Variants in PDE4B observed in about 807,000 individuals in gnomAD.
The protein encoded by PDE4B is 3',5'-cyclic-AMP phosphodiesterase 4B.
PDE4B carries 20 observed loss-of-function variants against 82.2 expected under a neutral mutation model. The observed-to-expected ratio is 0.24, with a 90% CI of 0.17 to 0.35. PDE4B has a LOEUF of 0.35. PDE4B is among the 10% of genes least tolerant of loss of function. The pLI is 1.00. For synonymous variants in PDE4B, 320 were observed against 318.9 expected (o/e 1.00, Z -0.04); for missense variants, 655 against 907.2 (o/e 0.72, Z 3.57).
At chr1:66,134,858 C>T (rs1047197879) in intron 3 of PDE4B, among the ~76,000 whole-genome samples, 1 of 151,948 alleles carries the variant, frequency 6.6e-6, no homozygotes, top group African/African-American at 2.4e-5. Flanking sequence ...AATGTAGTCA[C>T]TTCTGTCAAG....
chr1:66,190,371 G>A (rs35570971), intron 3 of PDE4B, among the ~76,000 whole-genome samples: 73,687 of 152,030 alleles, frequency 0.48, 18,914 homozygotes, highest in South Asian at 0.63. Context: ...TGTCAGACAG[G>A]GACATTGAAG....
intron 3 of PDE4B, among the ~76,000 whole-genome samples, chr1:66,089,057 A>G (rs1644958240): frequency 6.6e-6 from 1 of 152,090 alleles, no homozygotes; most frequent in African/African-American, 2.4e-5. Context: ...TTGTTATGAA[A>G]GCATAAGCTA....
At chr1:66,136,045 G>A (rs965024906) in intron 3 of PDE4B, among the ~76,000 whole-genome samples, 13 of 152,162 alleles carry the variant, frequency 8.5e-5, no homozygotes, top group African/African-American at 2.7e-4. Context: ...GCTCATTGAA[G>A]AATTGCCTAC....
chr1:66,244,495 G>A (rs1653145454), intron 3 of PDE4B, among the ~76,000 whole-genome samples: 1 of 152,058 alleles, frequency 6.6e-6, no homozygotes, highest in East Asian at 1.9e-4. Flanking sequence ...AGTTTGTGTG[G>A]TATATTCATT....
intron 3 of PDE4B, among the ~76,000 whole-genome samples, chr1:66,083,811 T>C (rs1656865493): frequency 6.6e-6 from 1 of 152,170 alleles, no homozygotes; most frequent in Non-Finnish European, 1.5e-5. Flanking sequence ...ATTGTTAAAC[T>C]CCTGAAATGC....
At chr1:66,320,917 A>G (rs1293712518) in intron 7 of PDE4B, among the ~76,000 whole-genome samples, 1 of 152,214 alleles carries the variant, frequency 6.6e-6, no homozygotes, top group Admixed American at 6.5e-5. Flanking sequence ...AGCCAGGTGA[A>G]CAAAGTTGGG....
chr1:65,828,300 C>T (rs565935982), intron 1 of PDE4B, among the ~76,000 whole-genome samples: 1 of 152,200 alleles, frequency 6.6e-6, no homozygotes, highest in Admixed American at 6.5e-5. Context: ...GGTTGGAGTG[C>T]AGTGGCGTGA....
rs913783501 is a variant in PDE4B, at chr1:66,308,883, T to C, written c.635-23625T>C. Among the ~76,000 whole-genome samples the C allele has an allele frequency of 2.0e-5, 3 of 152,212 alleles. No individual in the cohort carries two copies. The South Asian group carries it at 6.2e-4, about 31-fold the overall frequency. ...GCTATGCTAACATTGCATTTAGATA[T>C]AGTTACTAAAAAATTATAAGAAAGT... On this transcript the variant is annotated intron_variant, in intron 7 of 16. Coordinates refer to ENST00000341517, the MANE Select transcript of PDE4B (RefSeq NM_002600.4).
intron 3 of PDE4B, among the ~76,000 whole-genome samples, chr1:65,957,101 G>A (rs1262523085): frequency 2.0e-5 from 3 of 149,278 alleles, no homozygotes; most frequent in Non-Finnish European, 3.0e-5. Flanking sequence ...TGATTTGCAG[G>A]CATTTTTACA....
chr1:65,919,005 G>A (rs1055483330), intron 3 of PDE4B, among the ~76,000 whole-genome samples, 170 bp downstream of exon 3: 6 of 152,178 alleles, frequency 3.9e-5, no homozygotes, highest in Non-Finnish European at 8.8e-5. Context: ...AAACAGTGGA[G>A]ATATTTTCTA....
intron 3 of PDE4B, among the ~76,000 whole-genome samples, chr1:66,174,916 G>A (rs1387948995): frequency 6.6e-6 from 1 of 152,136 alleles, no homozygotes; most frequent in African/African-American, 2.4e-5. Flanking sequence ...GAAGATGAAG[G>A]GGAAGCAAGG....
chr1:66,103,913 G>C (rs993557008), intron 3 of PDE4B, among the ~76,000 whole-genome samples: 2 of 151,852 alleles, frequency 1.3e-5, no homozygotes, highest in African/African-American at 2.4e-5. Context: ...TTAAGATCGA[G>C]AGGCATTATT....
chr1:65,988,820 T>C (rs1651090970), intron 3 of PDE4B, among the ~76,000 whole-genome samples: 1 of 152,144 alleles, frequency 6.6e-6, no homozygotes, highest in Admixed American at 6.6e-5. Context: ...TTTTGTTTTA[T>C]AATAGTTGAA....
intron 3 of PDE4B, among the ~76,000 whole-genome samples, chr1:66,140,705 T>C (rs1231085464): frequency 6.6e-6 from 1 of 152,226 alleles, no homozygotes; most frequent in African/African-American, 2.4e-5. Context: ...AAGAGGGTAT[T>C]ATTTAACTTA....
intron 3 of PDE4B, among the ~76,000 whole-genome samples, chr1:66,023,613 A>G (rs1653267636): frequency 6.6e-6 from 1 of 152,180 alleles, no homozygotes; most frequent in Non-Finnish European, 1.5e-5. Context: ...GGTGAAGGAA[A>G]TGGTTAACAA....
intron 3 of PDE4B, among the ~76,000 whole-genome samples, chr1:65,931,372 A>C (rs1406682680): frequency 1.3e-5 from 2 of 152,176 alleles, no homozygotes; most frequent in Non-Finnish European, 2.9e-5. Context: ...GGAGAGAGGA[A>C]ATAAAATTAT....
At chr1:66,175,080 T>A (rs1008984970) in intron 3 of PDE4B, among the ~76,000 whole-genome samples, 6 of 152,160 alleles carry the variant, frequency 3.9e-5, no homozygotes, top group Admixed American at 1.3e-4. Context: ...CCTCAACACA[T>A]AAGAATTACA....
In PDE4B at chr1:66,266,523, T is replaced by C. The variant is rs79458287; in HGVS notation, c.634+436T>C. On this transcript the variant is annotated intron_variant, in intron 7 of 16. Transcript: ENST00000341517. Reference sequence around the variant, plus strand: ...TCTTAATGTCAACTATAGATTCCACTTGAATCTACATCCTTTCCAGGTGTG... The same window carrying C: ...TCTTAATGTCAACTATAGATTCCACCTGAATCTACATCCTTTCCAGGTGTG... 554 of 359,600 alleles carry C rather than the reference T, an allele frequency of 1.5e-3. 2 individuals are homozygous for C. The highest frequency in any genetic ancestry group is 0.011 in the African/African-American group (519 of 46,932). 22.3% of individuals were successfully genotyped at this position (359,600 alleles called of 1,614,324 possible). A position where few individuals can be genotyped will look rare whatever the true frequency, so the allele number is the denominator to read the frequency against.
At chr1:66,343,081 C>CA (rs1165177849) in intron 8 of PDE4B, among the ~76,000 whole-genome samples, 4 of 150,590 alleles carry the variant, frequency 2.7e-5, no homozygotes, top group Non-Finnish European at 5.9e-5. Context: ...CAAAAAAAAA[C>CA]AAAAAAAACT....
Sources: allele counts gnomAD v4.1 joint callset (sites outside exome capture counted in the v4.1 genomes callset), GRCh38; gene constraint gnomAD v4.1.1; transcripts MANE v1.5; gene names NCBI Gene and HGNC (gene_info 2026-07-23, HGNC 2026-07-21).